The following CLEC2L variants were observed in gnomAD, a reference collection of about 807,000 sequenced individuals.
The protein encoded by CLEC2L is C-type lectin domain family 2 member L.
In CLEC2L, 14 loss-of-function variants were observed where a neutral mutation model predicts 23.6. That is an observed-to-expected ratio of 0.59 (90% CI 0.39 to 0.93). CLEC2L has a LOEUF of 0.93. Among genes scored for constraint, CLEC2L ranks in the 40% least tolerant of loss-of-function variants. CLEC2L has a pLI of 0.00. For missense variants in CLEC2L, 264 were observed against 282.4 expected (o/e 0.93, Z 0.47); for synonymous variants, 114 against 121.3 (o/e 0.94, Z 0.40).
intron 1 of CLEC2L, among the ~76,000 whole-genome samples, chr7:139,527,855 A>G (rs1396237359): frequency 1.3e-5 from 2 of 152,198 alleles, no homozygotes; most frequent in African/African-American, 2.4e-5. Context: ...AAAATTTAAA[A>G]ATTACCAAAC....
At chr7:139,535,302 A>G (rs1053071622) in intron 1 of CLEC2L, among the ~76,000 whole-genome samples, 1 of 152,244 alleles carries the variant, frequency 6.6e-6, no homozygotes, top group Admixed American at 6.5e-5. Flanking sequence ...TTCCTCTTAT[A>G]TGAGATTCCT....
intron 1 of CLEC2L, chr7:139,534,677 T>C (rs948998728): frequency 8.6e-6 from 4 of 462,862 alleles, no homozygotes; most frequent in African/African-American, 2.0e-5. Flanking sequence ...CTAGCCAAGA[T>C]TGGCTGTATT....
chr7:139,535,595 G>A (rs1250740580), intron 1 of CLEC2L, among the ~76,000 whole-genome samples: 5 of 152,022 alleles, frequency 3.3e-5, no homozygotes, highest in African/African-American at 7.3e-5. Context: ...GGGTTATCTC[G>A]TTAAATATAA....
At chr7:139,536,883 G>A (rs1797666171) in intron 2 of CLEC2L, among the ~76,000 whole-genome samples, 1 of 148,992 alleles carries the variant, frequency 6.7e-6, no homozygotes, top group Admixed American at 6.7e-5. Flanking sequence ...GCTGAGGCAG[G>A]AGAATCGCTG....
rs747700621 is a variant in CLEC2L, at chr7:139,544,276, C to T, written c.579C>T (p.Thr193=). ...GGGAGTGTGTCTTCGTGGAGCCCAC[C>T]AGGCTGGTGTCGACGGAGTGTCTGA... The part of the protein sequence containing the change: ...GPGECVFVEP[T]RLVSTECLMT... The change falls in exon 5 of 5, where the codon ACC becomes ACT. Residue 193 remains threonine (T), a synonymous_variant. Transcript: ENST00000422142. 6.2e-7 allele frequency: 1 copy of T among 1,613,624 alleles called. No homozygotes were observed. The highest frequency in any genetic ancestry group is 8.5e-7 in the Non-Finnish European group (1 of 1,179,746).
intron 1 of CLEC2L, 74 bp from the exon 2 acceptor site, chr7:139,536,200 C>G: frequency 8.7e-7 from 1 of 1,147,034 alleles, no homozygotes; most frequent in Non-Finnish European, 1.3e-6. Flanking sequence ...TTCTCATTAG[C>G]AGGGTATGGG....
intron 2 of CLEC2L, among the ~76,000 whole-genome samples, chr7:139,538,675 G>A (rs1797693267): frequency 6.6e-6 from 1 of 152,152 alleles, no homozygotes; most frequent in South Asian, 2.1e-4. Flanking sequence ...CTTGAATCCG[G>A]GAGGCAGAGG....
In CLEC2L at chr7:139,544,248, CA is replaced by C. The variant is rs1797776422; in HGVS notation, c.552del (p.Glu186SerfsTer16). ...GGCCACAGGTTCACCATCGCAGGTC[CA>C]GGGGAGTGTGTCTTCGTGGAGCCCA... The part of the protein sequence containing the change: ...FDPDTFTIAG[P>X]GECVFVEPTR... On this transcript the variant is annotated frameshift_variant, in exon 5 of 5. Coordinates refer to ENST00000422142, the MANE Select transcript of CLEC2L (RefSeq NM_001080511.4). LOFTEE classifies it high-confidence loss of function. 2 of 1,613,044 alleles carry C rather than the reference CA, an allele frequency of 1.2e-6. No homozygotes were observed. Among genetic ancestry groups the C allele is most frequent in the South Asian group, 2.2e-5 (2 of 90,912 alleles).
chr7:139,525,105 G>A (rs1404107801), intron 1 of CLEC2L, among the ~76,000 whole-genome samples: 1 of 152,158 alleles, frequency 6.6e-6, no homozygotes, highest in African/African-American at 2.4e-5. Flanking sequence ...GAGAGAGACG[G>A]GCCTGAAGGA....
At chr7:139,543,532 C>A (rs1431597507) in intron 4 of CLEC2L, among the ~76,000 whole-genome samples, 1 of 152,196 alleles carries the variant, frequency 6.6e-6, no homozygotes, top group East Asian at 1.9e-4. Flanking sequence ...GATCGGAGGT[C>A]CGGGTGAACA....
Position 139,544,338 on chromosome 7 carries a change from C to G in CLEC2L, c.641C>G (p.Thr214Ser). 6.2e-7 allele frequency: 1 copy of G among 1,608,356 alleles called. No individual in the cohort carries two copies. The highest frequency in any genetic ancestry group is 1.1e-5 in the South Asian group (1 of 90,264). ...TGGGTGTGCAGCAAGATGGCCTATA[C>G]TTGAGGTGGGTGGGGCCAGAGGTGG... is the stretch of plus-strand genomic sequence containing the variant. Reference protein sequence around the residue: ...RPWVCSKMAYT With the variant: ...RPWVCSKMAYS Residue 214 changes from threonine to serine, a missense_variant, in exon 5 of 5, where the codon ACT becomes AGT. Transcript: ENST00000422142.
At chr7:139,524,521 A>T (rs1797478691) in intron 1 of CLEC2L, among the ~76,000 whole-genome samples, 1 of 151,856 alleles carries the variant, frequency 6.6e-6, no homozygotes, top group South Asian at 2.1e-4. Context: ...GAGACCCCAG[A>T]GGTGGTGCCC....
At chr7:139,534,599 CA>C in intron 1 of CLEC2L, 1 of 707,446 alleles carries the variant, frequency 1.4e-6, no homozygotes, top group East Asian at 2.5e-5. Flanking sequence ...GCTTGGAACA[CA>C]GGTGAGTACG....
Position 139,540,856 on chromosome 7 carries a change from C to T in CLEC2L, c.432+369C>T, listed in dbSNP as rs915951515. Reference sequence around the variant, plus strand: ...ATCACTTGAGCCCAGGAGTTGGGGGCTAGTCTGGGCAACATAGTGAGACCC... The same window carrying T: ...ATCACTTGAGCCCAGGAGTTGGGGGTTAGTCTGGGCAACATAGTGAGACCC... On this transcript the variant is annotated intron_variant, in intron 3 of 4. Transcript: ENST00000422142. The surrounding 1 kb of genome is among the most constrained non-coding windows in gnomAD (Gnocchi z 5.8). Among the ~76,000 whole-genome samples the T allele has an allele frequency of 3.3e-5, 5 of 151,902 alleles. No homozygotes were observed. Among genetic ancestry groups the T allele is most frequent in the African/African-American group, 9.7e-5 (4 of 41,358 alleles).
chr7:139,536,390 A>G (rs1484432458), intron 2 of CLEC2L, 42 bp downstream of exon 2: 3 of 1,503,218 alleles, frequency 2.0e-6, no homozygotes, highest in Non-Finnish European at 1.8e-6. Context: ...CAGTTTGCAC[A>G]TTCCTTGTTA....
Position 139,524,065 on chromosome 7 carries a change from G to A in CLEC2L, c.138G>A (p.Arg46=). The change falls in exon 1 of 5, where the codon CGG becomes CGA. Residue 46 remains arginine (R), a synonymous_variant. Coordinates refer to ENST00000422142, the MANE Select transcript of CLEC2L (RefSeq NM_001080511.4). ...CCCGCGGCCCCGAGGGGCTGCTGCG[G>A]CGATCCGGGTCGGGCTACGAGGGCA... ...AEARGPEGLL[R]RSGSGYEGST... is the part of the protein sequence containing the mutation. 56 of 1,224,346 alleles carry A rather than the reference G, an allele frequency of 4.6e-5. No individual in the cohort carries two copies. The highest frequency in any genetic ancestry group is 5.6e-5 in the Non-Finnish European group (55 of 981,270). The allele number at this position is 1,224,346 out of a possible 1,614,324, so 75.8% of individuals were successfully genotyped here.
In CLEC2L at chr7:139,540,545, G is replaced by A; in HGVS notation, c.432+58G>A. ...AGGGACCCTCAGGGCCCCCAACCTT[G>A]ACTCTAGGGGACAGCCACACAGTAA... On this transcript the variant is annotated intron_variant, in intron 3 of 4. Transcript: ENST00000422142. The surrounding 1 kb of genome is among the most constrained non-coding windows in gnomAD (Gnocchi z 5.8). 3.9e-6 allele frequency: 6 copies of A among 1,530,074 alleles called. No individual in the cohort carries two copies. Among genetic ancestry groups the A allele is most frequent in the East Asian group, 2.4e-5 (1 of 40,958 alleles). 94.8% of individuals were successfully genotyped at this position (1,530,074 alleles called of 1,614,324 possible).
rs1311906810 is a variant in CLEC2L at position 139,542,197 on chromosome 7, C to T, written c.533+76C>T. 1.1e-4 allele frequency: 108 copies of T among 966,268 alleles called. 1 individual carries two copies. Among genetic ancestry groups the T allele is most frequent in the Admixed American group, 5.2e-5 (2 of 38,510 alleles). The allele number at this position is 966,268 out of a possible 1,614,324, so 59.9% of individuals were successfully genotyped here. A position where few individuals can be genotyped will look rare whatever the true frequency, so the allele number is the denominator to read the frequency against. On this transcript the variant is annotated intron_variant, in intron 4 of 4. Transcript: ENST00000422142. ...TGACTCACCCCCTGGACACAACTCCCGAAGAGAGAAGCCCTTGTTTTGTGC... is the reference window on the plus strand; with the variant it reads ...TGACTCACCCCCTGGACACAACTCCTGAAGAGAGAAGCCCTTGTTTTGTGC...
At position 139,540,412 on chromosome 7, in the gene CLEC2L, A is replaced by C; in HGVS notation, c.357A>C (p.Arg119Ser). The part of the protein sequence containing the change: ...RKCYFFSEEP[R>S]DWNTGRQYCH... ...GCTACTTCTTTTCCGAGGAACCCAG[A>C]GACTGGAACACAGGCAGGCAGTACT... The change falls in exon 3 of 5, where the codon AGA becomes AGC. Residue 119 changes from arginine (R) to serine (S), a missense_variant. Arg to Ser is a moderately radical substitution (Grantham distance 110, BLOSUM62 -1). Coordinates refer to ENST00000422142, the MANE Select transcript of CLEC2L (RefSeq NM_001080511.4). This position sits in a 1 kb window ranked among gnomAD's most constrained non-coding sequence, Gnocchi z 5.8. 6.2e-7 allele frequency: 1 copy of C among 1,608,640 alleles called. No homozygotes were observed. Among genetic ancestry groups the C allele is most frequent in the South Asian group, 1.1e-5 (1 of 89,676 alleles).
Sources: gnomAD v4.1 joint callset for allele counts (sites outside exome capture counted in the v4.1 genomes callset) on GRCh38, gnomAD v4.1.1 for gene constraint, Gnocchi (gnomAD v3.1) non-coding constraint, MANE v1.5 for transcripts, NCBI Gene and HGNC (gene_info 2026-07-23, HGNC 2026-07-21) for gene names.